The following DST variants were observed in gnomAD, a reference collection of about 807,000 sequenced individuals.
DST encodes dystonin, also known as bullous pemphigoid antigen.
In DST, 253 loss-of-function variants were observed where a neutral mutation model predicts 875.2. The observed-to-expected ratio is 0.29, with a 90% confidence interval of 0.26 to 0.32. DST has a LOEUF of 0.32. DST is among the 10% of genes least tolerant of loss of function. The pLI, the probability that DST is intolerant of heterozygous loss-of-function variation, is 1.00. For synonymous variants in DST, 3,124 were observed against 3,197.1 expected, an observed-to-expected ratio of 0.98 and a Z score of 0.77; for missense variants, 8,287 against 9,111.6, an observed-to-expected ratio of 0.91 and a Z score of 3.68.
At chr6:56,801,797 C>T (rs1398203941) in intron 4 of DST, among the ~76,000 whole-genome samples, 2 of 147,426 alleles carry the variant, frequency 1.4e-5, no homozygotes, top group African/African-American at 2.5e-5. Context: ...TCACCCAGGC[C>T]GGAGCGCGAT....
rs745990245 is a variant in DST at position 56,464,668 on chromosome 6, A to G, written c.22759+17T>C. Reference sequence around the variant, plus strand: ...AGAAAAGGAAAGAGGGGAGAGGCAAAGAGAGAGGTTGCCAACCTATAGTAG... The same window carrying G: ...AGAAAAGGAAAGAGGGGAGAGGCAAGGAGAGAGGTTGCCAACCTATAGTAG... On this transcript the variant is annotated intron_variant, in intron 100 of 103. Transcript: ENST00000680361. 7.0e-6 allele frequency: 11 copies of G among 1,562,002 alleles called. No homozygotes were observed. In the South Asian group the frequency reaches 1.3e-4, roughly 18 times the overall value.
intron 3 of DST, among the ~76,000 whole-genome samples, chr6:56,864,789 G>GA (rs1209756843): frequency 6.6e-6 from 1 of 151,958 alleles, no homozygotes; most frequent in Non-Finnish European, 1.5e-5. Flanking sequence ...CGAGTACTTA[G>GA]AATTGCAGTG....
At chr6:56,787,495 T>C (rs2153000601) in intron 4 of DST, among the ~76,000 whole-genome samples, 1 of 152,338 alleles carries the variant, frequency 6.6e-6, no homozygotes. Flanking sequence ...AAGTATTTTA[T>C]GGGCTGAAGT....
intron 9 of DST, among the ~76,000 whole-genome samples, chr6:56,691,051 G>C (rs915993093): frequency 2.0e-5 from 3 of 152,198 alleles, no homozygotes; most frequent in African/African-American, 7.2e-5. Context: ...TGACTGGTCA[G>C]TTTATGACTT....
intron 4 of DST, among the ~76,000 whole-genome samples, chr6:56,778,234 G>C (rs1432362039): frequency 6.6e-6 from 1 of 151,762 alleles, no homozygotes; most frequent in Non-Finnish European, 1.5e-5. Context: ...CCATGAATTA[G>C]GATAAAAACA....
In DST at chr6:56,919,500, T is replaced by C. The variant is rs547824222; in HGVS notation, c.217-18879A>G. Among the ~76,000 whole-genome samples the C allele has an allele frequency of 2.0e-4, 31 of 152,326 alleles. 1 individual carries two copies. In the South Asian group the frequency reaches 6.2e-3, roughly 31 times the overall value. ...TATTCATTTTTTAATTTCCTAAATATGTTAACTTTTTATTACAGAAAATTC... is the reference window on the plus strand; with the variant it reads ...TATTCATTTTTTAATTTCCTAAATACGTTAACTTTTTATTACAGAAAATTC... On this transcript the variant is annotated intron_variant, in intron 2 of 103. Transcript: ENST00000680361.
chr6:56,570,841 CTT>C, intron 53 of DST, among the ~76,000 whole-genome samples: 1 of 152,208 alleles, frequency 6.6e-6, no homozygotes, highest in East Asian at 1.9e-4. Flanking sequence ...ATTCAATGAG[CTT>C]TGATCTGTCC....
intron 3 of DST, among the ~76,000 whole-genome samples, chr6:56,877,413 G>T (rs142626691): frequency 1.3e-5 from 2 of 152,080 alleles, no homozygotes; most frequent in Non-Finnish European, 2.9e-5. Context: ...AAAATTAGCC[G>T]GGCATGGTGG....
intron 61 of DST, among the ~76,000 whole-genome samples, chr6:56,545,949 T>C (rs2097213727): frequency 6.6e-6 from 1 of 152,200 alleles, no homozygotes; most frequent in Non-Finnish European, 1.5e-5. Flanking sequence ...ACTGAAGGCA[T>C]GCTATATTTT....
At chr6:56,507,851 G>A (rs1420680386) in intron 75 of DST, among the ~76,000 whole-genome samples, 4 of 152,100 alleles carry the variant, frequency 2.6e-5, no homozygotes, top group Admixed American at 2.0e-4. Context: ...CGGGGTTTAG[G>A]CAGCAACACA....
intron 3 of DST, among the ~76,000 whole-genome samples, chr6:56,880,570 C>T (rs1020360970): frequency 7.2e-5 from 11 of 151,766 alleles, no homozygotes; most frequent in African/African-American, 2.7e-4. Context: ...ACCTGTTATC[C>T]CAGCTACTTG....
intron 4 of DST, chr6:56,742,391 T>C (rs1287208765): frequency 1.6e-6 from 2 of 1,279,188 alleles, no homozygotes; most frequent in Non-Finnish European, 2.0e-6. Flanking sequence ...GTACAAACTC[T>C]GATGTGTCAG....
intron 92 of DST, among the ~76,000 whole-genome samples, chr6:56,475,572 G>T (rs536802980): frequency 1.8e-4 from 28 of 152,300 alleles, no homozygotes; most frequent in African/African-American, 6.7e-4. Context: ...TTTAAAACAA[G>T]AAGGATATAT....
rs2096359410 is a variant in DST, at chr6:56,507,584, C to T, written c.19240-795G>A. 3.3e-5 allele frequency among the ~76,000 whole-genome samples: 5 copies of T among 152,172 alleles called. No individual in the cohort carries two copies. The South Asian group carries it at 1.0e-3, about 31-fold the overall frequency. ...ATGATCCAACTGAACCCTGAGTGGA[C>T]TTTGCCAGTAGAGTGGCAGGAAGGA... On this transcript the variant is annotated intron_variant, in intron 75 of 103. Coordinates refer to ENST00000680361, the MANE Select transcript of DST (RefSeq NM_001374736.1).
In DST at chr6:56,592,459, A is replaced by C. The variant is rs866001538; in HGVS notation, c.12727-101T>G. On this transcript the variant is annotated intron_variant, in intron 48 of 103. Transcript: ENST00000680361. The stretch of plus-strand genomic sequence containing the variant: ...ATAAAATATGTAACTTGGAAAAAAA[A>C]CCAGACTTCCACCAAAGTTAATAAA... 5.1e-6 allele frequency: 5 copies of C among 977,748 alleles called. No individual in the cohort carries two copies. In the South Asian group the frequency reaches 8.5e-5, roughly 17 times the overall value. 60.6% of individuals were successfully genotyped at this position (977,748 alleles called of 1,614,324 possible). A position where few individuals can be genotyped will look rare whatever the true frequency, so the allele number is the denominator to read the frequency against.
chr6:56,627,941 G>A, intron 33 of DST, 58 bp downstream of exon 33: 1 of 1,481,616 alleles, frequency 6.7e-7, no homozygotes, highest in Non-Finnish European at 9.4e-7. Context: ...AGGAAGATGA[G>A]GAGCATGACT....
chr6:56,547,420 T>TATAGTGGAA (rs1214852233), intron 61 of DST, among the ~76,000 whole-genome samples: 1 of 152,160 alleles, frequency 6.6e-6, no homozygotes, highest in East Asian at 1.9e-4. Context: ...TTACAGTGTC[T>TATAGTGGAA]ATAGTGGAAA....
chr6:56,873,752 A>C (rs1903328), intron 3 of DST, among the ~76,000 whole-genome samples: 5,800 of 152,256 alleles, frequency 0.038, 374 homozygotes, highest in African/African-American at 0.13. Flanking sequence ...TTGGTTAATG[A>C]GCACAAAAAT....
chr6:56,685,804 GC>G (rs1248938954), intron 9 of DST, among the ~76,000 whole-genome samples: 1 of 152,068 alleles, frequency 6.6e-6, no homozygotes, highest in Admixed American at 6.6e-5. Flanking sequence ...ACAGGTTGGT[GC>G]GGTTGCAGAG....
Sources: gnomAD v4.1 joint callset for allele counts (sites outside exome capture counted in the v4.1 genomes callset) on GRCh38, gnomAD v4.1.1 for gene constraint, MANE v1.5 for transcripts, NCBI Gene and HGNC (gene_info 2026-07-23, HGNC 2026-07-21) for gene names.